The following BRWD1 variants were observed in gnomAD, a reference collection of about 807,000 sequenced individuals.
The protein encoded by BRWD1 is bromodomain and WD repeat-containing protein 1.
BRWD1 carries 82 observed loss-of-function variants against 251.2 expected under a neutral mutation model. The observed-to-expected ratio is 0.33, with a 90% CI of 0.27 to 0.39. The LOEUF (loss-of-function observed/expected upper bound fraction) is 0.39, where lower values mean the gene tolerates loss of function less well. BRWD1 is among the 10% of genes least tolerant of loss of function. BRWD1 has a pLI of 1.00. For missense variants in BRWD1, 2,233 were observed against 2,711.6 expected, an observed-to-expected ratio of 0.82 and a Z score of 3.92; for synonymous variants, 918 against 902.8, an observed-to-expected ratio of 1.02 and a Z score of -0.30.
At position 39,199,672 on chromosome 21, in the gene BRWD1, A is replaced by C; in HGVS notation, c.4754-10T>G. 6.4e-7 allele frequency: 1 copy of C among 1,571,260 alleles called. No individual in the cohort carries two copies. Among genetic ancestry groups the C allele is most frequent in the Non-Finnish European group, 8.6e-7 (1 of 1,161,846 alleles). On this transcript the variant is annotated splice_polypyrimidine_tract_variant and intron_variant, in intron 39 of 40. Coordinates refer to ENST00000342449, the MANE Select transcript of BRWD1 (RefSeq NM_033656.4). ...GCTAATGAAACGGGACCTAGAAATA[A>C]GGTTAACAATAAGATTAAAAAGATT... is the stretch of plus-strand genomic sequence containing the variant.
At position 39,294,019 on chromosome 21, in the gene BRWD1, C is replaced by T; in HGVS notation, c.623G>A (p.Cys208Tyr). The T allele has an allele frequency of 1.2e-6, 2 of 1,614,028 alleles. No homozygotes were observed. Among genetic ancestry groups the T allele is most frequent in the Non-Finnish European group, 1.7e-6 (2 of 1,179,934 alleles). The change falls in exon 8 of 41, where the codon TGT becomes TAT. Residue 208 changes from cysteine to tyrosine, a missense_variant. Cys to Tyr is a radical substitution (Grantham distance 194). Transcript: ENST00000342449. ...GHRIFTGSDD[C>Y]LVKIWSTHNG... The stretch of plus-strand genomic sequence containing the variant: ...ATGTGTTGACCAAATCTTTACCAAA[C>T]AGTCATCTGAACCCTAAGAAAAAAT...
In BRWD1 at chr21:39,269,987, G is replaced by A; in HGVS notation, c.1442C>T (p.Ser481Phe). 6.3e-7 allele frequency: 1 copy of A among 1,593,066 alleles called. No homozygotes were observed. Among genetic ancestry groups the A allele is most frequent in the Non-Finnish European group, 8.6e-7 (1 of 1,169,026 alleles). ...ATGTCCTGCAGATAACATAATTCTG[G>A]AATCAAAGGGATGTGTCTCCAGAAC... The part of the protein sequence containing the change: ...VFVLETHPFD[S>F]RIMLSAGHDG... Residue 481 changes from serine to phenylalanine, a missense_variant, in exon 15 of 41, where the codon TCC becomes TTC. Around this residue, in one of 12 missense-constraint regions of BRWD1, gnomAD observed 315 missense variants for 421.8 expected, o/e 0.75. Transcript: ENST00000342449.
chr21:39,294,795 G>T (rs1179493083), intron 7 of BRWD1, among the ~76,000 whole-genome samples: 12 of 152,126 alleles, frequency 7.9e-5, no homozygotes, highest in Admixed American at 7.9e-4. Context: ...GGTGGGAATA[G>T]CCTCCTCACG....
Position 39,197,228 on chromosome 21 carries a change from ATCT to A in BRWD1, c.5838_5840del (p.Glu1946del), listed in dbSNP as rs764102474. The A allele has an allele frequency of 7.4e-6, 12 of 1,614,052 alleles. No homozygotes were observed. Among genetic ancestry groups the A allele is most frequent in the South Asian group, 1.1e-5 (1 of 91,066 alleles). On this transcript the variant is annotated inframe_deletion, in exon 41 of 41. Transcript: ENST00000342449. Reference sequence around the variant, plus strand: ...TAGTGTGCACATTTTCTAAACTGACATCTTCTACATCACTCATGAGCTTGATCT... The same window carrying A: ...TAGTGTGCACATTTTCTAAACTGACATCTACATCACTCATGAGCTTGATCT...
chr21:39,208,282 A>AT (rs1233460425), intron 36 of BRWD1, among the ~76,000 whole-genome samples: 1 of 152,178 alleles, frequency 6.6e-6, no homozygotes, highest in Non-Finnish European at 1.5e-5. Flanking sequence ...GTCGCTGAAA[A>AT]AAAACAGTCT....
intron 15 of BRWD1, among the ~76,000 whole-genome samples, chr21:39,265,405 A>T (rs2034888941): frequency 6.6e-6 from 1 of 152,228 alleles, no homozygotes; most frequent in Non-Finnish European, 1.5e-5. Flanking sequence ...ACTGCACTCA[A>T]GCCTGGGTGA....
At chr21:39,315,334 C>T (rs2036679106), upstream of BRWD1, among the ~76,000 whole-genome samples, 1 of 151,792 alleles carries the variant, frequency 6.6e-6, no homozygotes, top group South Asian at 2.1e-4. Context: ...TATAAATGGA[C>T]ATAGATATCT....
At chr21:39,292,986 G>A (rs758575098) in intron 8 of BRWD1, among the ~76,000 whole-genome samples, 1 of 152,002 alleles carries the variant, frequency 6.6e-6, no homozygotes, top group Non-Finnish European at 1.5e-5. Flanking sequence ...AAAAAAGTGG[G>A]GAGGGGAATC....
intron 15 of BRWD1, among the ~76,000 whole-genome samples, chr21:39,269,607 G>A (rs2035038500): frequency 6.6e-6 from 1 of 151,904 alleles, no homozygotes; most frequent in Non-Finnish European, 1.5e-5. Context: ...ATAAATTCAA[G>A]TAGTGAAAAA....
At chr21:39,285,242 G>A (rs554359971) in intron 8 of BRWD1, among the ~76,000 whole-genome samples, 3 of 152,250 alleles carry the variant, frequency 2.0e-5, no homozygotes, top group Non-Finnish European at 4.4e-5. Context: ...GGCAAACACT[G>A]TGTAATTTCA....
At chr21:39,272,441 G>T (rs867413800) in intron 13 of BRWD1, among the ~76,000 whole-genome samples, 2 of 151,044 alleles carry the variant, frequency 1.3e-5, no homozygotes, top group East Asian at 3.9e-4. Flanking sequence ...GCAGGAGAAC[G>T]GCATGAACCC....
At chr21:39,305,207 C>A (rs557911271) in intron 4 of BRWD1, among the ~76,000 whole-genome samples, 24 of 152,180 alleles carry the variant, frequency 1.6e-4, no homozygotes, top group Admixed American at 1.5e-3. Context: ...GATCTGCCCG[C>A]CTTGGCCCCC....
intron 4 of BRWD1, among the ~76,000 whole-genome samples, chr21:39,306,501 G>A (rs1009466429): frequency 6.6e-6 from 1 of 152,130 alleles, no homozygotes; most frequent in African/African-American, 2.4e-5. Flanking sequence ...CTAAGAATTC[G>A]GAAGGACTAG....
At chr21:39,207,247 CAA>C (rs1194914193) in intron 36 of BRWD1, among the ~76,000 whole-genome samples, 1 of 151,908 alleles carries the variant, frequency 6.6e-6, no homozygotes, top group Non-Finnish European at 1.5e-5. Context: ...CTAGCTTGGC[CAA>C]TATGGTGAAA....
chr21:39,317,832 C>T, upstream of BRWD1, among the ~76,000 whole-genome samples: 1 of 152,206 alleles, frequency 6.6e-6, no homozygotes, highest in East Asian at 1.9e-4. Context: ...AGGAGGACCG[C>T]ATGAGCCCAG....
rs779832977 is a variant in BRWD1 at position 39,213,496 on chromosome 21, T to C, written c.3843A>G (p.Gln1281=). ...ELSNTSENDE[Q]NAEDLDDSDL... Reference sequence around the variant, plus strand: ...AACTTCATACCAAATCCTCAGCATTTTGCTCATCATTTTCAGATGTGTTAG... The same window carrying C: ...AACTTCATACCAAATCCTCAGCATTCTGCTCATCATTTTCAGATGTGTTAG... The change falls in exon 33 of 41, where the codon CAA becomes CAG. Residue 1281 remains glutamine, a synonymous_variant. Coordinates refer to ENST00000342449, the MANE Select transcript of BRWD1 (RefSeq NM_033656.4). 1.8e-5 allele frequency: 29 copies of C among 1,611,260 alleles called. No homozygotes were observed. The Admixed American group carries it at 3.7e-4, about 21-fold the overall frequency.
rs1216745183 is a variant in BRWD1 at position 39,197,308 on chromosome 21, T to C, written c.5761A>G (p.Arg1921Gly). ...CGAGTAATCCTCAGGAGACCTGTTC[T>C]GGCTTTTGATGATTTCTTAACCACC... ...LQVVKKSSKA[R>G]TGLLRITRRC... The change falls in exon 41 of 41, where the codon AGA (arginine) becomes GGA (glycine). Residue 1921 changes from arginine (R) to glycine (G), a missense_variant. Transcript: ENST00000342449. 6.2e-7 allele frequency: 1 copy of C among 1,613,972 alleles called. No individual in the cohort carries two copies. Among genetic ancestry groups the C allele is most frequent in the Non-Finnish European group, 8.5e-7 (1 of 1,179,954 alleles).
chr21:39,308,671 G>A (rs943324012), intron 4 of BRWD1, among the ~76,000 whole-genome samples: 1 of 152,010 alleles, frequency 6.6e-6, no homozygotes. Context: ...TAACTGGTTT[G>A]GGGCATACTC....
chr21:39,188,386 T>G lies in BRWD1; in HGVS notation c.*7873A>C. 2 of 985,380 alleles carry G rather than the reference T, an allele frequency of 2.0e-6. No homozygotes were observed. The highest frequency in any genetic ancestry group is 2.4e-6 in the Non-Finnish European group (2 of 829,922). 61.0% of individuals were successfully genotyped at this position (985,380 alleles called of 1,614,324 possible). A position where few individuals can be genotyped will look rare whatever the true frequency, so the allele number is the denominator to read the frequency against. Reference sequence around the variant, plus strand: ...AGATCACTGAAATAACCAGTTGATATCCTCCACCCACACTAGACATCTGGA... The same window carrying G: ...AGATCACTGAAATAACCAGTTGATAGCCTCCACCCACACTAGACATCTGGA... On this transcript the variant is annotated 3_prime_UTR_variant, in exon 41 of 41. Coordinates refer to ENST00000342449, the MANE Select transcript of BRWD1 (RefSeq NM_033656.4).
Sources: gnomAD v4.1 joint callset for allele counts (sites outside exome capture counted in the v4.1 genomes callset) on GRCh38, gnomAD v4.1.1 for gene constraint, gnomAD v4.1.1 regional missense constraint, MANE v1.5 for transcripts, NCBI Gene and HGNC (gene_info 2026-07-23, HGNC 2026-07-21) for gene names.